The following GALNTL6 variants were observed in gnomAD, a reference collection of about 807,000 sequenced individuals.
The protein encoded by GALNTL6 is polypeptide N-acetylgalactosaminyltransferase-like 6.
Under a neutral mutation model 73.7 loss-of-function variants are expected in GALNTL6, and 46 were observed. That is an observed-to-expected ratio of 0.62 (90% confidence interval 0.49 to 0.80). GALNTL6 has a LOEUF of 0.80. Among genes scored for constraint, GALNTL6 ranks in the 30% least tolerant of loss-of-function variants. The pLI is 0.00. For missense variants in GALNTL6, 604 were observed against 755.0 expected (o/e 0.80, Z 2.34); for synonymous variants, 259 against 263.7 (o/e 0.98, Z 0.17).
chr4:171,912,819 C>T (rs1031585295), intron 2 of GALNTL6, among the ~76,000 whole-genome samples: 1 of 152,128 alleles, frequency 6.6e-6, no homozygotes, highest in Non-Finnish European at 1.5e-5. Flanking sequence ...CTGTGCCAGG[C>T]TTCCTTCACT....
At chr4:172,810,342 A>C (rs1051918022) in intron 6 of GALNTL6, among the ~76,000 whole-genome samples, 1 of 152,230 alleles carries the variant, frequency 6.6e-6, no homozygotes, top group Non-Finnish European at 1.5e-5. Context: ...TATAAAGTCC[A>C]GTTGTAGATA....
chr4:172,804,329 T>C (rs1276335155), intron 5 of GALNTL6, among the ~76,000 whole-genome samples: 4 of 152,192 alleles, frequency 2.6e-5, no homozygotes, highest in Admixed American at 2.6e-4. Flanking sequence ...TCAGAACTCA[T>C]AGCTAAGTAT....
intron 10 of GALNTL6, among the ~76,000 whole-genome samples, chr4:172,965,372 G>C (rs986313167): frequency 6.6e-6 from 1 of 152,030 alleles, no homozygotes; most frequent in Non-Finnish European, 1.5e-5. Context: ...GGATCACAAG[G>C]TCAGGAGATT....
intron 5 of GALNTL6, among the ~76,000 whole-genome samples, chr4:172,677,194 G>A (rs540805336): frequency 6.6e-6 from 1 of 152,254 alleles, no homozygotes; most frequent in East Asian, 1.9e-4. Context: ...TCAAGAAAAT[G>A]TGCTGTATTC....
intron 2 of GALNTL6, among the ~76,000 whole-genome samples, chr4:172,072,086 C>A (rs1019604355): frequency 6.6e-6 from 1 of 152,076 alleles, no homozygotes; most frequent in African/African-American, 2.4e-5. Flanking sequence ...GTTTCCTGGG[C>A]AGGTTGCTGC....
At chr4:172,321,337 G>A (rs1740750233) in intron 4 of GALNTL6, among the ~76,000 whole-genome samples, 1 of 152,104 alleles carries the variant, frequency 6.6e-6, no homozygotes, top group Admixed American at 6.5e-5. Context: ...AGAATAATCA[G>A]TACTTAGAGT....
chr4:172,516,004 C>A (rs72995098), intron 5 of GALNTL6, among the ~76,000 whole-genome samples: 1,801 of 152,298 alleles, frequency 0.012, 33 homozygotes, highest in African/African-American at 0.04. Flanking sequence ...TTATATGTTA[C>A]ATTAAGTCTT....
intron 7 of GALNTL6, among the ~76,000 whole-genome samples, chr4:172,826,795 T>G (rs2111040939): frequency 6.6e-6 from 1 of 152,364 alleles, no homozygotes; most frequent in South Asian, 2.1e-4. Flanking sequence ...TGTGTATTTC[T>G]TCTGATCCAG....
chr4:172,851,181 C>T (rs1743795483), intron 7 of GALNTL6, among the ~76,000 whole-genome samples: 1 of 152,056 alleles, frequency 6.6e-6, no homozygotes, highest in African/African-American at 2.4e-5. Context: ...TCTACTATCA[C>T]CCATGAAATA....
chr4:173,031,961 A>G (rs559652298), intron 12 of GALNTL6, among the ~76,000 whole-genome samples: 1 of 152,326 alleles, frequency 6.6e-6, no homozygotes, highest in East Asian at 1.9e-4. Context: ...AAAGATGGAG[A>G]CTTTTACCTT....
chr4:172,969,114 C>G (rs1032392628), intron 10 of GALNTL6, among the ~76,000 whole-genome samples: 1 of 151,884 alleles, frequency 6.6e-6, no homozygotes, highest in Non-Finnish European at 1.5e-5. Context: ...AATAAGATGA[C>G]TAGAATGATA....
intron 5 of GALNTL6, among the ~76,000 whole-genome samples, chr4:172,794,799 G>T (rs1306329983): frequency 6.6e-6 from 1 of 152,044 alleles, no homozygotes; most frequent in Non-Finnish European, 1.5e-5. Context: ...TCATTTCCTT[G>T]GTAATAACTC....
At chr4:172,221,580 C>T (rs1736677487) in intron 2 of GALNTL6, among the ~76,000 whole-genome samples, 2 of 151,448 alleles carry the variant, frequency 1.3e-5, no homozygotes, top group Admixed American at 6.6e-5. Flanking sequence ...TGTGTTTCTT[C>T]ACCCTTAGGA....
At chr4:173,032,269 G>T (rs1027443276) in intron 12 of GALNTL6, among the ~76,000 whole-genome samples, 33 of 152,282 alleles carry the variant, frequency 2.2e-4, no homozygotes, top group Middle Eastern at 3.4e-3. Context: ...CTAACACGGT[G>T]AAACCCCGTC....
chr4:171,919,077 G>T (rs1737708360), intron 2 of GALNTL6, among the ~76,000 whole-genome samples: 1 of 152,064 alleles, frequency 6.6e-6, no homozygotes, highest in South Asian at 2.1e-4. Context: ...GTACAACATT[G>T]TATCTATCGT....
chr4:172,934,648 C>T (rs1330831437), intron 9 of GALNTL6, among the ~76,000 whole-genome samples: 2 of 152,032 alleles, frequency 1.3e-5, no homozygotes, highest in African/African-American at 2.4e-5. Flanking sequence ...CACTGGGACA[C>T]GGTTGTGGTG....
intron 2 of GALNTL6, among the ~76,000 whole-genome samples, chr4:172,096,394 G>A (rs1413050722): frequency 6.6e-6 from 1 of 152,006 alleles, no homozygotes; most frequent in Non-Finnish European, 1.5e-5. Context: ...TGCCGGGCTT[G>A]GCCTCTGTTT....
At chr4:171,906,287 C>T (rs1026344648) in intron 2 of GALNTL6, among the ~76,000 whole-genome samples, 27 of 150,962 alleles carry the variant, frequency 1.8e-4, no homozygotes, top group South Asian at 4.2e-4. Context: ...ATCAAATAGA[C>T]GCAATAAAAA....
At chr4:172,397,097 T>C (rs1445245631) in intron 5 of GALNTL6, among the ~76,000 whole-genome samples, 1 of 152,136 alleles carries the variant, frequency 6.6e-6, no homozygotes, top group Non-Finnish European at 1.5e-5. Flanking sequence ...TAGGTATATA[T>C]ATATGTGTTT....
Sources: gnomAD v4.1 joint callset for allele counts (sites outside exome capture counted in the v4.1 genomes callset) on GRCh38, gnomAD v4.1.1 for gene constraint, MANE v1.5 for transcripts, NCBI Gene and HGNC (gene_info 2026-07-23, HGNC 2026-07-21) for gene names.